TSPYL5: variants seen among roughly 807,000 people sequenced by gnomAD.
TSPYL5 encodes the protein TSPY like 5, also known as testis-specific Y-encoded-like protein 5.
For missense variants in TSPYL5, 556 were observed against 555.5 expected (o/e 1.00, Z -0.01); for synonymous variants, 276 against 236.1 (o/e 1.17, Z -1.55).
Position 97,277,479 on chromosome 8 carries a change from G to A in TSPYL5, c.366C>T (p.Phe122=), listed in dbSNP as rs1387908669. The A allele has an allele frequency of 5.9e-6, 9 of 1,527,502 alleles. No individual in the cohort carries two copies. The Admixed American group carries it at 8.8e-5, about 15-fold the overall frequency. The allele number at this position is 1,527,502 out of a possible 1,614,324, so 94.6% of individuals were successfully genotyped here. The part of the protein sequence containing the change: ...LSERLAADTV[F]VGTAGTVGRP... Reference sequence around the variant, plus strand: ...TTCCCACGGTTCCCGCTGTTCCCACGAAGACAGTGTCTGCGGCCAGGCGCT... The same window carrying A: ...TTCCCACGGTTCCCGCTGTTCCCACAAAGACAGTGTCTGCGGCCAGGCGCT... The change falls in exon 1 of 1, where the codon TTC becomes TTT. Residue 122 remains phenylalanine, a synonymous_variant. Coordinates refer to ENST00000322128, the MANE Select transcript of TSPYL5 (RefSeq NM_033512.3). This position sits in a 1 kb window ranked among gnomAD's most constrained non-coding sequence, Gnocchi z 4.5.
rs369860755 is a variant in TSPYL5, at chr8:97,277,357, A to G, written c.488T>C (p.Ile163Thr). 3.7e-6 allele frequency: 6 copies of G among 1,607,620 alleles called. No individual in the cohort carries two copies. The highest frequency in any genetic ancestry group is 1.3e-5 in the African/African-American group (1 of 74,778). Residue 163 changes from isoleucine (I) to threonine (T), a missense_variant, in exon 1 of 1, where the codon ATA (isoleucine) becomes ACA (threonine). Transcript: ENST00000322128. This position sits in a 1 kb window ranked among gnomAD's most constrained non-coding sequence, Gnocchi z 4.5. ...CSTAGRGPQV[I>T]AGGRQKKGAA... ...CCCTTTCTTCTGCCTCCCACCAGCTATGACCTGAGGCCCCCTCCCCGCGGT... is the reference window on the plus strand; with the variant it reads ...CCCTTTCTTCTGCCTCCCACCAGCTGTGACCTGAGGCCCCCTCCCCGCGGT...
Position 97,274,808 on chromosome 8 carries a change from GGCCCAGCTCT to G in TSPYL5, c.*1773_*1782del, listed in dbSNP as rs1001083611. ...CACCCTCAGGGATAAGAGAGGGAAAGGCCCAGCTCTGCTTTTACACCCACTGGAAATAACC... is the reference window on the plus strand; with the variant it reads ...CACCCTCAGGGATAAGAGAGGGAAAGGCTTTTACACCCACTGGAAATAACC... On this transcript the variant is annotated 3_prime_UTR_variant, in exon 1 of 1. Coordinates refer to ENST00000322128, the MANE Select transcript of TSPYL5 (RefSeq NM_033512.3). The G allele has an allele frequency of 6.6e-6, 1 of 152,176 alleles. No individual in the cohort carries two copies. The highest frequency in any genetic ancestry group is 6.5e-5 in the Admixed American group (1 of 15,278). The allele number at this position is 152,176 out of a possible 1,614,324, so 9.4% of individuals were successfully genotyped here. A position where few individuals can be genotyped will look rare whatever the true frequency, so the allele number is the denominator to read the frequency against.
At position 97,276,689 on chromosome 8, in the gene TSPYL5, C is replaced by T. The variant is rs768053954; in HGVS notation, c.1156G>A (p.Gly386Arg). 3.7e-6 allele frequency: 6 copies of T among 1,614,120 alleles called. No homozygotes were observed. The African/African-American group carries it at 6.7e-5, about 18-fold the overall frequency. ...NPLQFYLLSE[G>R]ARVEKGKEKE... The stretch of plus-strand genomic sequence containing the variant: ...TCCTTTCCTTTCTCTACACGAGCCC[C>T]TTCACTCAAAAGGTAGAACTGCAAG... The change falls in exon 1 of 1, where the codon GGG becomes AGG. Residue 386 changes from glycine (G) to arginine (R), a missense_variant. Gly to Arg is a moderately radical substitution (Grantham distance 125, BLOSUM62 -2). Transcript: ENST00000322128.
Position 97,275,376 on chromosome 8 carries a change from G to A in TSPYL5, c.*1215C>T, listed in dbSNP as rs1167007993. 1 of 151,996 alleles carries A rather than the reference G, an allele frequency of 6.6e-6. No individual in the cohort carries two copies. The highest frequency in any genetic ancestry group is 1.5e-5 in the Non-Finnish European group (1 of 67,990). 9.4% of individuals were successfully genotyped at this position (151,996 alleles called of 1,614,324 possible). A position where few individuals can be genotyped will look rare whatever the true frequency, so the allele number is the denominator to read the frequency against. ...AAAATAAAAAAGAATAAGGAAAGAA[G>A]GAAGGGGAAGGCAGAAGGGGAGGAA... On this transcript the variant is annotated 3_prime_UTR_variant, in exon 1 of 1. Coordinates refer to ENST00000322128, the MANE Select transcript of TSPYL5 (RefSeq NM_033512.3).
rs1036161247 is a variant in TSPYL5, at chr8:97,274,499, A to T, written c.*2092T>A. On this transcript the variant is annotated 3_prime_UTR_variant, in exon 1 of 1. Transcript: ENST00000322128. ...TCAACTAGGCATCCTATTTGTTCAT[A>T]ACCCCTTCAATTCTCATTTTCCAAG... The T allele has an allele frequency of 5.3e-5, 8 of 152,154 alleles. No homozygotes were observed. Among genetic ancestry groups the T allele is most frequent in the African/African-American group, 1.9e-4 (8 of 41,436 alleles). The allele number at this position is 152,154 out of a possible 1,614,324, so 9.4% of individuals were successfully genotyped here. A position where few individuals can be genotyped will look rare whatever the true frequency, so the allele number is the denominator to read the frequency against.
Position 97,276,500 on chromosome 8 carries a change from A to T in TSPYL5, c.*91T>A. On this transcript the variant is annotated 3_prime_UTR_variant, in exon 1 of 1. Coordinates refer to ENST00000322128, the MANE Select transcript of TSPYL5 (RefSeq NM_033512.3). Reference sequence around the variant, plus strand: ...CTAAAGTCCAAAGGGTCTATAGTACACAGAGGCCAACATGAAGAGAAGGCA... The same window carrying T: ...CTAAAGTCCAAAGGGTCTATAGTACTCAGAGGCCAACATGAAGAGAAGGCA... The T allele has an allele frequency of 6.7e-7, 1 of 1,482,320 alleles. No homozygotes were observed. Among genetic ancestry groups the T allele is most frequent in the Non-Finnish European group, 9.1e-7 (1 of 1,095,984 alleles). 91.8% of individuals were successfully genotyped at this position (1,482,320 alleles called of 1,614,324 possible).
rs762436906 is a variant in TSPYL5 at position 97,276,687 on chromosome 8, C to G, written c.1158G>C (p.Gly386=). 3.7e-6 allele frequency: 6 copies of G among 1,614,210 alleles called. No homozygotes were observed. The highest frequency in any genetic ancestry group is 5.1e-6 in the Non-Finnish European group (6 of 1,180,036). ...TTTCCTTTCCTTTCTCTACACGAGC[C>G]CCTTCACTCAAAAGGTAGAACTGCA... ...NPLQFYLLSE[G]ARVEKGKEKE... Residue 386 remains glycine (G), a synonymous_variant, in exon 1 of 1, where the codon GGG becomes GGC. Coordinates refer to ENST00000322128, the MANE Select transcript of TSPYL5 (RefSeq NM_033512.3).
At position 97,277,773 on chromosome 8, in the gene TSPYL5, T is replaced by C. The variant is rs1480320387; in HGVS notation, c.72A>G (p.Arg24=). The change falls in exon 1 of 1, where the codon CGA becomes CGG. Residue 24 remains arginine (R), a synonymous_variant. Transcript: ENST00000322128. This position sits in a 1 kb window ranked among gnomAD's most constrained non-coding sequence, Gnocchi z 4.5. ...KNRGKGRAKA[R]VRPAPDDAPR... is the part of the protein sequence containing the mutation. ...GGGCGTCGTCCGGAGCAGGGCGGACTCGGGCTTTGGCGCGGCCTTTGCCCC... is the reference window on the plus strand; with the variant it reads ...GGGCGTCGTCCGGAGCAGGGCGGACCCGGGCTTTGGCGCGGCCTTTGCCCC... The C allele has an allele frequency of 4.6e-6, 7 of 1,522,498 alleles. No homozygotes were observed. In the African/African-American group the frequency reaches 8.6e-5, roughly 19 times the overall value. 94.3% of individuals were successfully genotyped at this position (1,522,498 alleles called of 1,614,324 possible). A position where few individuals can be genotyped will look rare whatever the true frequency, so the allele number is the denominator to read the frequency against.
Position 97,273,495 on chromosome 8 carries a change from G to A in TSPYL5, c.*3096C>T, listed in dbSNP as rs1563627315. 1 of 152,434 alleles carries A rather than the reference G, an allele frequency of 6.6e-6. No homozygotes were observed. Among genetic ancestry groups the A allele is most frequent in the Non-Finnish European group, 1.5e-5 (1 of 68,030 alleles). The allele number at this position is 152,434 out of a possible 1,614,324, so 9.4% of individuals were successfully genotyped here. On this transcript the variant is annotated 3_prime_UTR_variant, in exon 1 of 1. Transcript: ENST00000322128. ...TTTTGAAAATCAGAAATATAACAGA[G>A]ATACAGGTTTTTATTTTTCCATCAT...
At position 97,277,384 on chromosome 8, in the gene TSPYL5, C is replaced by T; in HGVS notation, c.461G>A (p.Ser154Asn). ...GACCTGAGGCCCCCTCCCCGCGGTG[C>T]TACAGGTTTCTGGGGCCTTCTTCCC... Reference protein sequence around the residue: ...PAGKKAPETCSTAGRGPQVIA... With the variant: ...PAGKKAPETCNTAGRGPQVIA... Residue 154 changes from serine to asparagine, a missense_variant, in exon 1 of 1, where the codon AGC becomes AAC. Coordinates refer to ENST00000322128, the MANE Select transcript of TSPYL5 (RefSeq NM_033512.3). This position sits in a 1 kb window ranked among gnomAD's most constrained non-coding sequence, Gnocchi z 4.5. The T allele has an allele frequency of 6.3e-7, 1 of 1,594,942 alleles. No homozygotes were observed. The highest frequency in any genetic ancestry group is 1.1e-5 in the South Asian group (1 of 87,954).
Position 97,277,572 on chromosome 8 carries a change from G to A in TSPYL5, c.273C>T (p.Ala91=), listed in dbSNP as rs768014651. The A allele has an allele frequency of 3.4e-6, 5 of 1,463,248 alleles. No homozygotes were observed. In the East Asian group the frequency reaches 7.8e-5, roughly 23 times the overall value. 90.6% of individuals were successfully genotyped at this position (1,463,248 alleles called of 1,614,324 possible). A position where few individuals can be genotyped will look rare whatever the true frequency, so the allele number is the denominator to read the frequency against. ...CCTGCCCGTGGTCCCCCGCAGCTCG[G>A]GCCCGCAGCGCGAGGCCACAGTCCA... ...LPLDCGLALR[A]RAAGDHGQAA... is the part of the protein sequence containing the mutation. Residue 91 remains alanine, a synonymous_variant, in exon 1 of 1, where the codon GCC becomes GCT. Transcript: ENST00000322128. The surrounding 1 kb of genome is among the most constrained non-coding windows in gnomAD (Gnocchi z 4.5).
Position 97,276,395 on chromosome 8 carries a change from A to C in TSPYL5, c.*196T>G, listed in dbSNP as rs936516039. 16 of 700,928 alleles carry C rather than the reference A, an allele frequency of 2.3e-5. No individual in the cohort carries two copies. The South Asian group carries it at 2.9e-4, about 13-fold the overall frequency. 43.4% of individuals were successfully genotyped at this position (700,928 alleles called of 1,614,324 possible). A position where few individuals can be genotyped will look rare whatever the true frequency, so the allele number is the denominator to read the frequency against. ...ATATGAACAGTCCGGGTGCGATCAC[A>C]TAACATGTGACACTAACGTAGAAAA... On this transcript the variant is annotated 3_prime_UTR_variant, in exon 1 of 1. Coordinates refer to ENST00000322128, the MANE Select transcript of TSPYL5 (RefSeq NM_033512.3).
Position 97,276,805 on chromosome 8 carries a change from T to C in TSPYL5, c.1040A>G (p.Asn347Ser). ...QSLSQGNPEN[N>S]RSFFGWFSNH... ...TGAAAACCACCCAAAGAAACTACGG[T>C]TGTTTTCTGGGTTTCCCTGGCTTAG... The change falls in exon 1 of 1, where the codon AAC (asparagine) becomes AGC (serine). Residue 347 changes from asparagine to serine, a missense_variant. Coordinates refer to ENST00000322128, the MANE Select transcript of TSPYL5 (RefSeq NM_033512.3). The C allele has an allele frequency of 6.2e-7, 1 of 1,614,100 alleles. No homozygotes were observed. The highest frequency in any genetic ancestry group is 8.5e-7 in the Non-Finnish European group (1 of 1,180,006).
rs1810547523 is a variant in TSPYL5, at chr8:97,277,515, T to C, written c.330A>G (p.Ala110=). 4 of 1,518,382 alleles carry C rather than the reference T, an allele frequency of 2.6e-6. No individual in the cohort carries two copies. The African/African-American group carries it at 4.2e-5, about 16-fold the overall frequency. 94.1% of individuals were successfully genotyped at this position (1,518,382 alleles called of 1,614,324 possible). A position where few individuals can be genotyped will look rare whatever the true frequency, so the allele number is the denominator to read the frequency against. Residue 110 remains alanine, a synonymous_variant, in exon 1 of 1, where the codon GCA becomes GCG. Transcript: ENST00000322128. The surrounding 1 kb of genome is among the most constrained non-coding windows in gnomAD (Gnocchi z 4.5). ...AAARPGPGKA[A]SLSERLAADT... is the part of the protein sequence containing the mutation. ...CTGCGGCCAGGCGCTCCGAGAGAGA[T>C]GCGGCCTTCCCCGGGCCGGGCCTGG... is the stretch of plus-strand genomic sequence containing the variant.
At position 97,274,967 on chromosome 8, in the gene TSPYL5, G is replaced by C. The variant is rs1237473676; in HGVS notation, c.*1624C>G. The C allele has an allele frequency of 6.5e-6, 1 of 152,704 alleles. No homozygotes were observed. The highest frequency in any genetic ancestry group is 1.5e-5 in the Non-Finnish European group (1 of 68,154). The allele number at this position is 152,704 out of a possible 1,614,324, so 9.5% of individuals were successfully genotyped here. ...TTGAGGTAGAAGCAAAGAGAGCAAA[G>C]GACTGCTGAAAGTGGGAAAGCTGGG... is the stretch of plus-strand genomic sequence containing the variant. On this transcript the variant is annotated 3_prime_UTR_variant, in exon 1 of 1. Coordinates refer to ENST00000322128, the MANE Select transcript of TSPYL5 (RefSeq NM_033512.3).
rs1282383473 is a variant in TSPYL5, at chr8:97,273,770, G to A, written c.*2821C>T. On this transcript the variant is annotated 3_prime_UTR_variant, in exon 1 of 1. Transcript: ENST00000322128. ...CAGAAAAAAAGATTGACATTCTGGT[G>A]AAGGGTCTCAAGTACCTTACCATAT... The A allele has an allele frequency of 3.3e-5, 5 of 152,418 alleles. No individual in the cohort carries two copies. The highest frequency in any genetic ancestry group is 1.2e-4 in the African/African-American group (5 of 41,444). 9.4% of individuals were successfully genotyped at this position (152,418 alleles called of 1,614,324 possible).
In TSPYL5 at chr8:97,276,352, A is replaced by C; in HGVS notation, c.*239T>G. Reference sequence around the variant, plus strand: ...TGTAGATAACAGGGAGCACACATCTAAAGTATGTGTGCTTAACATATGAAC... The same window carrying C: ...TGTAGATAACAGGGAGCACACATCTCAAGTATGTGTGCTTAACATATGAAC... On this transcript the variant is annotated 3_prime_UTR_variant, in exon 1 of 1. Transcript: ENST00000322128. 1 of 522,650 alleles carries C rather than the reference A, an allele frequency of 1.9e-6. No homozygotes were observed. The highest frequency in any genetic ancestry group is 2.9e-5 in the South Asian group (1 of 35,030). The allele number at this position is 522,650 out of a possible 1,614,324, so 32.4% of individuals were successfully genotyped here. A position where few individuals can be genotyped will look rare whatever the true frequency, so the allele number is the denominator to read the frequency against.
rs1480656936 is a variant in TSPYL5, at chr8:97,274,564, G to C, written c.*2027C>G. The C allele has an allele frequency of 4.0e-5, 6 of 151,564 alleles. No individual in the cohort carries two copies. The highest frequency in any genetic ancestry group is 8.8e-5 in the Non-Finnish European group (6 of 68,008). 9.4% of individuals were successfully genotyped at this position (151,564 alleles called of 1,614,324 possible). A position where few individuals can be genotyped will look rare whatever the true frequency, so the allele number is the denominator to read the frequency against. On this transcript the variant is annotated 3_prime_UTR_variant, in exon 1 of 1. Transcript: ENST00000322128. ...CCCATACTCTATCACTGAGAGACAGGCATGCTCCCCCTGCGGCTTCTCAAG... is the reference window on the plus strand; with the variant it reads ...CCCATACTCTATCACTGAGAGACAGCCATGCTCCCCCTGCGGCTTCTCAAG...
chr8:97,275,605 T>A lies in TSPYL5; in HGVS notation c.*986A>T, dbSNP rs1331778218. Reference sequence around the variant, plus strand: ...GGAATAAGGGAAGTTGACAATGGTATCTGGATTCTATATAGGCCCAGTCCT... The same window carrying A: ...GGAATAAGGGAAGTTGACAATGGTAACTGGATTCTATATAGGCCCAGTCCT... On this transcript the variant is annotated 3_prime_UTR_variant, in exon 1 of 1. Coordinates refer to ENST00000322128, the MANE Select transcript of TSPYL5 (RefSeq NM_033512.3). 6.6e-6 allele frequency: 1 copy of A among 152,256 alleles called. No individual in the cohort carries two copies. Among genetic ancestry groups the A allele is most frequent in the Non-Finnish European group, 1.5e-5 (1 of 68,108 alleles). The allele number at this position is 152,256 out of a possible 1,614,324, so 9.4% of individuals were successfully genotyped here.
Sources: allele counts gnomAD v4.1 joint callset, GRCh38; gene constraint gnomAD v4.1.1; non-coding constraint Gnocchi (gnomAD v3.1); transcripts MANE v1.5; gene names NCBI Gene and HGNC (gene_info 2026-07-23, HGNC 2026-07-21).